CADPS2: variants seen among roughly 807,000 people sequenced by gnomAD.
CADPS2 encodes calcium dependent secretion activator 2, also known as calcium-dependent secretion activator 2.
CADPS2 carries 93 observed loss-of-function variants against 172.5 expected under a neutral mutation model. The ratio of observed to expected loss-of-function variants is 0.54; its 90% CI spans 0.46 to 0.64. The LOEUF (loss-of-function observed/expected upper bound fraction) is 0.64. CADPS2 is among the 30% of genes least tolerant of loss of function. The probability of loss-of-function intolerance (pLI) is 0.00; values close to 1 mark genes in which losing one functional copy is unlikely to be tolerated. For synonymous variants in CADPS2, 546 were observed against 555.2 expected (o/e 0.98, Z 0.23); for missense variants, 1,420 against 1,565.9 (o/e 0.91, Z 1.57).
Position 122,544,554 on chromosome 7 carries a change from C to T in CADPS2, c.1475+9996G>A, listed in dbSNP as rs184663198. Among the ~76,000 whole-genome samples the T allele has an allele frequency of 3.9e-5, 6 of 152,284 alleles. No homozygotes were observed. In the East Asian group the frequency reaches 7.7e-4, roughly 20 times the overall value. On this transcript the variant is annotated intron_variant, in intron 8 of 29. Transcript: ENST00000449022. Reference sequence around the variant, plus strand: ...GGTCAGTTTCACGCTGGCTAGCTGGCTTTGTTCATTTCATCTGGACTCATT... The same window carrying T: ...GGTCAGTTTCACGCTGGCTAGCTGGTTTTGTTCATTTCATCTGGACTCATT...
intron 3 of CADPS2, among the ~76,000 whole-genome samples, chr7:122,636,994 T>G (rs538109152): frequency 1.3e-5 from 2 of 152,048 alleles, no homozygotes; most frequent in Non-Finnish European, 2.9e-5. Context: ...AGTTGTAGAT[T>G]TGGTGTCTTC....
At chr7:122,618,256 T>C (rs993380859) in intron 5 of CADPS2, among the ~76,000 whole-genome samples, 5 of 152,166 alleles carry the variant, frequency 3.3e-5, no homozygotes, top group African/African-American at 1.2e-4. Context: ...CGGCTGTTTT[T>C]TTGATACCAT....
intron 2 of CADPS2, among the ~76,000 whole-genome samples, chr7:122,675,998 CA>C (rs1414313334): frequency 1.3e-5 from 2 of 151,746 alleles, no homozygotes; most frequent in African/African-American, 4.8e-5. Context: ...AAAACAACAA[CA>C]AAAAAAGAAA....
At chr7:122,420,817 G>A (rs1160140866) in intron 17 of CADPS2, 1 of 152,160 alleles carries the variant, frequency 6.6e-6, no homozygotes, top group Non-Finnish European at 1.5e-5. Flanking sequence ...CTTTGCTCTG[G>A]AACACTTTTG....
chr7:122,591,963 C>A (rs539605932), intron 6 of CADPS2, among the ~76,000 whole-genome samples: 3 of 151,870 alleles, frequency 2.0e-5, no homozygotes, highest in Non-Finnish European at 4.4e-5. Context: ...AAAGCAATGG[C>A]AACAAAAGAC....
intron 4 of CADPS2, among the ~76,000 whole-genome samples, chr7:122,623,074 C>G (rs1458075425): frequency 1.3e-5 from 2 of 152,102 alleles, no homozygotes; most frequent in African/African-American, 2.4e-5. Flanking sequence ...ATGTCACAGA[C>G]AGATTAAATA....
chr7:122,778,166 A>G (rs967024062), intron 1 of CADPS2, among the ~76,000 whole-genome samples: 6 of 152,106 alleles, frequency 3.9e-5, no homozygotes, highest in Non-Finnish European at 8.8e-5. Flanking sequence ...AGATGGAGAT[A>G]AGGAACCTGT....
At chr7:122,702,962 T>A in intron 2 of CADPS2, 1 of 491,636 alleles carries the variant, frequency 2.0e-6, no homozygotes, top group East Asian at 3.3e-5. Context: ...GACTTGTGAT[T>A]GGTACCATGT....
intron 8 of CADPS2, among the ~76,000 whole-genome samples, chr7:122,514,974 T>C (rs1298057403): frequency 6.6e-6 from 1 of 152,184 alleles, no homozygotes; most frequent in Non-Finnish European, 1.5e-5. Flanking sequence ...GGTAGAGTTA[T>C]GGCAGATTTA....
intron 7 of CADPS2, among the ~76,000 whole-genome samples, chr7:122,575,728 C>A (rs1316370328): frequency 6.6e-6 from 1 of 152,118 alleles, no homozygotes. Context: ...TGAGCTACTG[C>A]ACCTGGACAG....
At chr7:122,426,407 C>T (rs2049179624) in intron 17 of CADPS2, among the ~76,000 whole-genome samples, 1 of 152,094 alleles carries the variant, frequency 6.6e-6, no homozygotes, top group South Asian at 2.1e-4. Flanking sequence ...TGCATTGATG[C>T]CTCATGGATA....
chr7:122,326,093 C>T (rs2033800301), intron 28 of CADPS2, among the ~76,000 whole-genome samples: 1 of 143,294 alleles, frequency 7.0e-6, no homozygotes, highest in South Asian at 2.2e-4. Flanking sequence ...AAAAAAAAAT[C>T]TACAACTTAA....
At chr7:122,573,455 G>A (rs972883701) in intron 7 of CADPS2, among the ~76,000 whole-genome samples, 1 of 151,878 alleles carries the variant, frequency 6.6e-6, no homozygotes, top group Admixed American at 6.6e-5. Context: ...TGGGAGGATC[G>A]CTTGAGCCTG....
At chr7:122,690,012 A>C (rs1232022167) in intron 2 of CADPS2, among the ~76,000 whole-genome samples, 1 of 152,306 alleles carries the variant, frequency 6.6e-6, no homozygotes, top group East Asian at 1.9e-4. Flanking sequence ...AGTTCTGCAC[A>C]GAAGCTGGAT....
At chr7:122,480,532 T>G (rs375917250) in intron 12 of CADPS2, among the ~76,000 whole-genome samples, 47 of 152,358 alleles carry the variant, frequency 3.1e-4, no homozygotes, top group African/African-American at 1.1e-3. Context: ...TGTTTTTTTA[T>G]GTAGTGAAAA....
In CADPS2 at chr7:122,852,048, G is replaced by A. The variant is rs576214477; in HGVS notation, c.339+33951C>T. Among the ~76,000 whole-genome samples the A allele has an allele frequency of 3.9e-5, 6 of 152,314 alleles. No homozygotes were observed. In the South Asian group the frequency reaches 1.0e-3, roughly 26 times the overall value. The stretch of plus-strand genomic sequence containing the variant: ...CAAACAGCTAGTAAGCGGCAGAACT[G>A]TAATTTGAATCCAGAAGTCTTTACT... On this transcript the variant is annotated intron_variant, in intron 1 of 29. Transcript: ENST00000449022.
At chr7:122,694,215 G>T (rs1222378299) in intron 2 of CADPS2, among the ~76,000 whole-genome samples, 1 of 152,180 alleles carries the variant, frequency 6.6e-6, no homozygotes, top group Non-Finnish European at 1.5e-5. Flanking sequence ...TGGAAAAGAA[G>T]AGATGGACTG....
intron 8 of CADPS2, among the ~76,000 whole-genome samples, chr7:122,523,476 T>A (rs903513014): frequency 6.6e-6 from 1 of 152,140 alleles, no homozygotes; most frequent in Non-Finnish European, 1.5e-5. Context: ...AGAAAAGAAG[T>A]ACCTTGATAA....
intron 27 of CADPS2, among the ~76,000 whole-genome samples, chr7:122,355,397 T>C (rs1179440615): frequency 3.3e-5 from 5 of 152,090 alleles, no homozygotes; most frequent in African/African-American, 9.7e-5. Flanking sequence ...CTGGCCAACA[T>C]GGTGAAACCC....
Sources: gnomAD v4.1 joint callset for allele counts (sites outside exome capture counted in the v4.1 genomes callset) on GRCh38, gnomAD v4.1.1 for gene constraint, MANE v1.5 for transcripts, NCBI Gene and HGNC (gene_info 2026-07-23, HGNC 2026-07-21) for gene names.